TGFBRAP1: variants seen among roughly 807,000 people sequenced by gnomAD.
The protein encoded by TGFBRAP1 is transforming growth factor beta receptor associated protein 1, also known as transforming growth factor-beta receptor-associated protein 1.
In TGFBRAP1, 20 loss-of-function variants were observed where a neutral mutation model predicts 83.2. That is an observed-to-expected ratio of 0.24 (90% CI 0.17 to 0.35). The LOEUF is 0.35. TGFBRAP1 is among the 10% of genes least tolerant of loss of function. The probability of loss-of-function intolerance (pLI) is 1.00; values close to 1 mark genes in which losing one functional copy is unlikely to be tolerated. For synonymous variants in TGFBRAP1, 415 were observed against 459.8 expected (o/e 0.90, Z 1.25); for missense variants, 950 against 1,099.4 (o/e 0.86, Z 1.92).
chr2:105,289,911 G>A lies in TGFBRAP1; in HGVS notation c.1039-5513C>T, dbSNP rs181963833. ...AAATTATTACAGGACACCTGAAAGTGTCCATTTCCCCACTTTCACCAATAC... is the reference window on the plus strand; with the variant it reads ...AAATTATTACAGGACACCTGAAAGTATCCATTTCCCCACTTTCACCAATAC... On this transcript the variant is annotated intron_variant, in intron 4 of 11. Transcript: ENST00000393359. Among the ~76,000 whole-genome samples, 258 of 152,342 alleles carry A rather than the reference G, an allele frequency of 1.7e-3. 1 individual carries two copies. The highest frequency in any genetic ancestry group is 6.0e-3 in the African/African-American group (249 of 41,572).
rs1345040847 is a variant in TGFBRAP1 at position 105,280,447 on chromosome 2, G to A, written c.1398C>T (p.Asp466=). Residue 466 remains aspartate (D), a synonymous_variant, in exon 6 of 12, where the codon GAC becomes GAT. Transcript: ENST00000393359. ...GACAGAAGTTCTCAGTGACCAGGAGGTCCAGCAGGCTGTCGTGGTCAGCCT... is the reference window on the plus strand; with the variant it reads ...GACAGAAGTTCTCAGTGACCAGGAGATCCAGCAGGCTGTCGTGGTCAGCCT... The part of the protein sequence containing the change: ...YAEADHDSLL[D]LLVTENFCLL... 6.2e-7 allele frequency: 1 copy of A among 1,614,206 alleles called. No homozygotes were observed. The highest frequency in any genetic ancestry group is 2.2e-5 in the East Asian group (1 of 44,874).
chr2:105,329,053 A>C (rs1679297124), intron 1 of TGFBRAP1, among the ~76,000 whole-genome samples: 2 of 152,052 alleles, frequency 1.3e-5, no homozygotes. Context: ...CCAGCACAGC[A>C]CTTTTCCCTA....
chr2:105,276,266 A>G (rs1175660806), intron 7 of TGFBRAP1, among the ~76,000 whole-genome samples: 1 of 152,232 alleles, frequency 6.6e-6, no homozygotes, highest in Non-Finnish European at 1.5e-5. Context: ...TTTTTCAGCC[A>G]GAAACTTCCC....
rs761974454 is a variant in TGFBRAP1 at position 105,273,561 on chromosome 2, T to C, written c.1795A>G (p.Ile599Val). The C allele has an allele frequency of 6.2e-7, 1 of 1,614,190 alleles. No individual in the cohort carries two copies. Residue 599 changes from isoleucine (I) to valine (V), a missense_variant, in exon 9 of 12, where the codon ATA becomes GTA. Transcript: ENST00000393359. ...GTGCTCACCTGCAGTCTCTTGTCTA[T>C]CACAAGATGTTCCAGATACTTCACA... ...ALVKYLEHLV[I>V]DKRLQKEEYH...
chr2:105,320,571 A>G (rs897109569), intron 1 of TGFBRAP1, among the ~76,000 whole-genome samples: 1 of 152,202 alleles, frequency 6.6e-6, no homozygotes, highest in Non-Finnish European at 1.5e-5. Context: ...ACCAGAAGGT[A>G]GTTCCCTGCC....
At chr2:105,273,312 AAG>A (rs1292288285) in intron 9 of TGFBRAP1, among the ~76,000 whole-genome samples, 2 of 152,182 alleles carry the variant, frequency 1.3e-5, no homozygotes, top group Non-Finnish European at 2.9e-5. Context: ...AAAGAAGGAA[AAG>A]AGAGGAAAAA....
At chr2:105,264,156 A>G (rs189634959), downstream of TGFBRAP1, among the ~76,000 whole-genome samples, 185 of 152,348 alleles carry the variant, frequency 1.2e-3, 2 homozygotes, top group South Asian at 0.036. Context: ...TAAAAGGTAA[A>G]GTAGATAAGA....
chr2:105,260,786 T>C (rs995629129), downstream of TGFBRAP1, among the ~76,000 whole-genome samples: 21 of 152,306 alleles, frequency 1.4e-4, no homozygotes, highest in African/African-American at 4.8e-4. Context: ...AAAAATACTA[T>C]GAAAATGGCA....
At chr2:105,309,505 T>C (rs1205437320) in intron 1 of TGFBRAP1, among the ~76,000 whole-genome samples, 1 of 152,186 alleles carries the variant, frequency 6.6e-6, no homozygotes, top group Non-Finnish European at 1.5e-5. Flanking sequence ...CAAGAAAGGT[T>C]CACGCATCAG....
chr2:105,306,945 C>T (rs904326884), intron 2 of TGFBRAP1, among the ~76,000 whole-genome samples: 2 of 152,078 alleles, frequency 1.3e-5, no homozygotes, highest in Non-Finnish European at 2.9e-5. Context: ...AGGTAATGAG[C>T]AATGCAGCCA....
chr2:105,277,864 G>A (rs756627049), intron 6 of TGFBRAP1, among the ~76,000 whole-genome samples, 193 bp from the exon 7 acceptor site: 1 of 152,084 alleles, frequency 6.6e-6, no homozygotes, highest in Non-Finnish European at 1.5e-5. Flanking sequence ...GACCAGCCTG[G>A]GCAACAACAT....
At chr2:105,307,415 T>C (rs1486804641) in intron 2 of TGFBRAP1, among the ~76,000 whole-genome samples, 199 bp downstream of exon 2, 1 of 152,210 alleles carries the variant, frequency 6.6e-6, no homozygotes, top group African/African-American at 2.4e-5. Context: ...ACTGGTTTTA[T>C]GACTCCAACC....
chr2:105,255,198 T>A, the TGFBRAP1 span, among the ~76,000 whole-genome samples: 1 of 152,256 alleles, frequency 6.6e-6, no homozygotes, highest in African/African-American at 2.4e-5. Flanking sequence ...TATTTTCTAT[T>A]TTCTGTAACT....
chr2:105,273,498 C>T lies in TGFBRAP1; in HGVS notation c.1812+46G>A, dbSNP rs183044540. 293 of 1,602,786 alleles carry T rather than the reference C, an allele frequency of 1.8e-4. 4 individuals carry two copies. In the East Asian group the frequency reaches 6.2e-3, roughly 34 times the overall value. On this transcript the variant is annotated intron_variant, in intron 9 of 11. Coordinates refer to ENST00000393359, the MANE Select transcript of TGFBRAP1 (RefSeq NM_004257.6). ...GCCAAAAAGTGTTCTAGTTCAATTCCGTCTCTCCAGCCCACACTCTTTAGT... is the reference window on the plus strand; with the variant it reads ...GCCAAAAAGTGTTCTAGTTCAATTCTGTCTCTCCAGCCCACACTCTTTAGT...
chr2:105,250,941 C>G, the TGFBRAP1 span, among the ~76,000 whole-genome samples: 2 of 152,232 alleles, frequency 1.3e-5, no homozygotes, highest in African/African-American at 4.8e-5. Flanking sequence ...CAGACGGAGT[C>G]GCGTTCACTC....
intron 4 of TGFBRAP1, among the ~76,000 whole-genome samples, chr2:105,291,455 C>T (rs1171760533): frequency 3.9e-5 from 6 of 152,154 alleles, no homozygotes; most frequent in African/African-American, 1.4e-4. Flanking sequence ...CTCTCAGTCT[C>T]CTCTGAAAAG....
chr2:105,284,604 G>A (rs371663926), intron 4 of TGFBRAP1, among the ~76,000 whole-genome samples: 32 of 152,214 alleles, frequency 2.1e-4, no homozygotes, highest in African/African-American at 5.5e-4. Flanking sequence ...CCAAATGCAC[G>A]TCTTGATCTC....
chr2:105,308,587 C>T (rs2104395570), intron 1 of TGFBRAP1, among the ~76,000 whole-genome samples: 1 of 152,212 alleles, frequency 6.6e-6, no homozygotes, highest in Non-Finnish European at 1.5e-5. Flanking sequence ...TGCTCAGTCC[C>T]CACACAGAGT....
Position 105,267,373 on chromosome 2 carries a change from G to T in TGFBRAP1, c.*10C>A, listed in dbSNP as rs369127087. 6.2e-7 allele frequency: 1 copy of T among 1,614,036 alleles called. No individual in the cohort carries two copies. Among genetic ancestry groups the T allele is most frequent in the East Asian group, 2.2e-5 (1 of 44,870 alleles). On this transcript the variant is annotated 3_prime_UTR_variant, in exon 12 of 12. Coordinates refer to ENST00000393359, the MANE Select transcript of TGFBRAP1 (RefSeq NM_004257.6). ...CTCGGAGTTCCCCTCGCACCCTTGG[G>T]CCAAGCTTTTCAAGTCCGAGTGCCA...
Sources: gnomAD v4.1 joint callset for allele counts (sites outside exome capture counted in the v4.1 genomes callset) on GRCh38, gnomAD v4.1.1 for gene constraint, MANE v1.5 for transcripts, NCBI Gene and HGNC (gene_info 2026-07-23, HGNC 2026-07-21) for gene names.